The following AFF3 variants were observed in gnomAD, a reference collection of about 807,000 sequenced individuals.
AFF3 encodes AF4/FMR2 family member 3.
A neutral mutation model predicts 129.7 loss-of-function variants in AFF3; 32 were observed. That is an observed-to-expected ratio of 0.25 (90% confidence interval 0.19 to 0.33). AFF3 has a LOEUF of 0.33. AFF3 is among the 10% of genes least tolerant of loss of function. The pLI is 1.00. For synonymous variants in AFF3, 644 were observed against 635.4 expected, an observed-to-expected ratio of 1.01 and a Z score of -0.20; for missense variants, 1,373 against 1,592.0, an observed-to-expected ratio of 0.86 and a Z score of 2.34.
chr2:99,807,458 G>A (rs1489516730), intron 8 of AFF3, among the ~76,000 whole-genome samples: 3 of 152,114 alleles, frequency 2.0e-5, no homozygotes, highest in Non-Finnish European at 4.4e-5. Context: ...TTGGCTTTCT[G>A]ATATCTCAGC....
At chr2:99,720,683 C>T (rs187787914) in intron 11 of AFF3, among the ~76,000 whole-genome samples, 239 of 152,274 alleles carry the variant, frequency 1.6e-3, no homozygotes, top group African/African-American at 5.6e-3. Context: ...AATTTGTTTT[C>T]TATTGATACC....
intron 8 of AFF3, among the ~76,000 whole-genome samples, chr2:99,758,730 A>G (rs1682330734): frequency 6.6e-6 from 1 of 152,162 alleles, no homozygotes; most frequent in African/African-American, 2.4e-5. Context: ...CTTATGCCCA[A>G]TCTTTAACGC....
chr2:99,862,079 T>C (rs1436687118), intron 7 of AFF3, among the ~76,000 whole-genome samples: 2 of 152,266 alleles, frequency 1.3e-5, no homozygotes, highest in Non-Finnish European at 2.9e-5. Flanking sequence ...TTTGAAGTCT[T>C]CCCCCACACT....
At chr2:99,568,646 T>G (rs966109626) in intron 19 of AFF3, among the ~76,000 whole-genome samples, 1 of 152,216 alleles carries the variant, frequency 6.6e-6, no homozygotes, top group African/African-American at 2.4e-5. Context: ...TTCATTTGTC[T>G]AGGGCTTTTT....
chr2:99,826,027 T>G (rs986521547), intron 8 of AFF3, among the ~76,000 whole-genome samples: 14 of 152,190 alleles, frequency 9.2e-5, no homozygotes, highest in African/African-American at 3.4e-4. Flanking sequence ...TTTTTTTTAA[T>G]TTTTTGAGAT....
chr2:99,659,776 C>T (rs1227611499), intron 12 of AFF3, among the ~76,000 whole-genome samples: 2 of 152,094 alleles, frequency 1.3e-5, no homozygotes, highest in East Asian at 1.9e-4. Context: ...CTCCTTATCA[C>T]AGCCTAGACT....
At chr2:99,938,773 A>C (rs1224291263) in intron 7 of AFF3, among the ~76,000 whole-genome samples, 4 of 152,108 alleles carry the variant, frequency 2.6e-5, no homozygotes, top group Admixed American at 2.0e-4. Context: ...CAGATTTGTG[A>C]CTTGCCAGTC....
intron 8 of AFF3, among the ~76,000 whole-genome samples, chr2:99,753,903 G>A (rs527866977): frequency 6.6e-6 from 1 of 152,326 alleles, no homozygotes; most frequent in Non-Finnish European, 1.5e-5. Context: ...CTGCCCTGCT[G>A]GTGCCTTGGT....
chr2:99,787,734 C>T lies in AFF3; in HGVS notation c.922-35433G>A, dbSNP rs146209779. On this transcript the variant is annotated intron_variant, in intron 8 of 24. Coordinates refer to ENST00000672756, the MANE Select transcript of AFF3 (RefSeq NM_001386135.1). ...GGCTGAGCAGGGAGAAGAAAACAAA[C>T]AAACGAACAAACAAACAAACAAACA... Among the ~76,000 whole-genome samples the T allele has an allele frequency of 7.5e-3, 1,122 of 150,564 alleles. 13 individuals carry two copies. The highest frequency in any genetic ancestry group is 0.025 in the African/African-American group (1,053 of 41,296).
In AFF3 at chr2:100,140,831, G is replaced by C. The variant is rs1055594333; in HGVS notation, c.-228+1653C>G. Among the ~76,000 whole-genome samples, 3 of 152,104 alleles carry C rather than the reference G, an allele frequency of 2.0e-5. No individual in the cohort carries two copies. The East Asian group carries it at 5.8e-4, about 29-fold the overall frequency. On this transcript the variant is annotated intron_variant, in intron 1 of 24. Transcript: ENST00000672756. ...CTTTCCTGCTCACTACTTGTCTGTA[G>C]CTACAGTGTAAGGACTGTAATGTCA... is the stretch of plus-strand genomic sequence containing the variant.
At chr2:99,624,750 T>C (rs1186660108) in intron 13 of AFF3, among the ~76,000 whole-genome samples, 2 of 152,162 alleles carry the variant, frequency 1.3e-5, no homozygotes, top group African/African-American at 4.8e-5. Flanking sequence ...CACAAGTAAC[T>C]CAGCAAAAAT....
chr2:99,919,593 A>T (rs554582249), intron 7 of AFF3, among the ~76,000 whole-genome samples: 30 of 152,336 alleles, frequency 2.0e-4, no homozygotes, highest in African/African-American at 6.7e-4. Flanking sequence ...ATTATTTAAA[A>T]AGTATTTCAT....
chr2:99,603,641 T>C (rs1003265661), intron 13 of AFF3, among the ~76,000 whole-genome samples: 2 of 152,222 alleles, frequency 1.3e-5, no homozygotes, highest in South Asian at 4.1e-4. Context: ...GACATCTAAT[T>C]AAGCTAAAGA....
intron 4 of AFF3, among the ~76,000 whole-genome samples, chr2:100,072,030 T>C (rs1688228133): frequency 6.6e-6 from 1 of 152,158 alleles, no homozygotes; most frequent in Non-Finnish European, 1.5e-5. Flanking sequence ...CTCTAGGAGA[T>C]GTGGTGGCTG....
chr2:99,909,117 G>C (rs1237346794), intron 7 of AFF3, among the ~76,000 whole-genome samples: 2 of 152,078 alleles, frequency 1.3e-5, no homozygotes, highest in Admixed American at 1.3e-4. Flanking sequence ...ACTGGATTAA[G>C]AAAATGTGGC....
chr2:99,854,281 A>T (rs1690364578), intron 7 of AFF3, among the ~76,000 whole-genome samples: 1 of 151,166 alleles, frequency 6.6e-6, no homozygotes, highest in Admixed American at 6.6e-5. Flanking sequence ...GATGAGCGTT[A>T]CTGATGTGCA....
chr2:99,932,132 T>C (rs1296977655), intron 7 of AFF3, among the ~76,000 whole-genome samples: 10 of 152,230 alleles, frequency 6.6e-5, no homozygotes. Context: ...CATGGACGCA[T>C]GCAGGCCAGG....
intron 1 of AFF3, among the ~76,000 whole-genome samples, chr2:100,132,384 A>G (rs1692458538): frequency 6.6e-6 from 1 of 152,236 alleles, no homozygotes; most frequent in South Asian, 2.1e-4. Flanking sequence ...TTTGTCAATC[A>G]GAAAATAACT....
intron 7 of AFF3, among the ~76,000 whole-genome samples, chr2:99,950,882 A>C (rs1370022114): frequency 6.6e-6 from 1 of 152,234 alleles, no homozygotes; most frequent in Non-Finnish European, 1.5e-5. Context: ...AGTTGAAAAA[A>C]ATTAAGATAA....
Sources: gnomAD v4.1 joint callset for allele counts (sites outside exome capture counted in the v4.1 genomes callset) on GRCh38, gnomAD v4.1.1 for gene constraint, MANE v1.5 for transcripts, NCBI Gene and HGNC (gene_info 2026-07-23, HGNC 2026-07-21) for gene names.